Variants in ITSN2 observed in about 807,000 individuals in gnomAD.
ITSN2 encodes intersectin 2.
ITSN2 carries 156 observed loss-of-function variants against 243.7 expected under a neutral mutation model. That is an observed-to-expected ratio of 0.64 (90% confidence interval 0.56 to 0.73). The LOEUF is 0.73. Among genes scored for constraint, ITSN2 ranks in the 30% least tolerant of loss-of-function variants. The pLI, the probability that ITSN2 is intolerant of heterozygous loss-of-function variation, is 0.00. For synonymous variants in ITSN2, 703 were observed against 699.9 expected, an observed-to-expected ratio of 1.00 and a Z score of -0.07; for missense variants, 1,801 against 1,996.1, an observed-to-expected ratio of 0.90 and a Z score of 1.86.
chr2:24,341,134 G>C (rs1687010476), intron 1 of ITSN2, among the ~76,000 whole-genome samples: 1 of 152,168 alleles, frequency 6.6e-6, no homozygotes, highest in Non-Finnish European at 1.5e-5. Context: ...TGACTGTAGA[G>C]CAGTAATATT....
chr2:24,207,356 C>A (rs1669002510), intron 37 of ITSN2, among the ~76,000 whole-genome samples: 1 of 151,924 alleles, frequency 6.6e-6, no homozygotes, highest in Admixed American at 6.6e-5. Context: ...TGGCCAGGGA[C>A]CACACTACTG....
chr2:24,321,580 C>CCTA lies in ITSN2; in HGVS notation c.32-6359_32-6357dup, dbSNP rs1198429134. Among the ~76,000 whole-genome samples, 3 of 152,080 alleles carry CCTA rather than the reference C, an allele frequency of 2.0e-5. No homozygotes were observed. The East Asian group carries it at 5.8e-4, about 29-fold the overall frequency. The stretch of plus-strand genomic sequence containing the variant: ...GAACTAAGGACCTAAAATAGCTAAA[C>CCTA]CTACACACTTTCTAAATAAAGAAAT... On this transcript the variant is annotated intron_variant, in intron 2 of 39. Transcript: ENST00000355123.
intron 1 of ITSN2, among the ~76,000 whole-genome samples, chr2:24,344,771 G>A (rs1457557792): frequency 1.3e-5 from 2 of 152,140 alleles, no homozygotes; most frequent in Non-Finnish European, 2.9e-5. Context: ...GTCCAACATG[G>A]TAAAACTCCA....
intron 1 of ITSN2, chr2:24,330,608 T>C: frequency 1.2e-6 from 1 of 820,200 alleles, no homozygotes; most frequent in South Asian, 1.3e-5. Context: ...GGAATAACCT[T>C]GCAGAAAATG....
chr2:24,227,819 T>C (rs528010084), intron 29 of ITSN2, among the ~76,000 whole-genome samples: 177 of 152,124 alleles, frequency 1.2e-3, no homozygotes, highest in African/African-American at 4.1e-3. Context: ...CTCAGGAGGC[T>C]GAGGCAGGAG....
intron 5 of ITSN2, chr2:24,311,771 C>T (rs1325938473): frequency 6.0e-6 from 1 of 167,190 alleles, no homozygotes; most frequent in Admixed American, 6.5e-5. Context: ...GGCTAATTAA[C>T]CTTTAAAAAA....
chr2:24,350,457 G>A lies in ITSN2; in HGVS notation c.-34+9847C>T, dbSNP rs78323130. 7.4e-3 allele frequency among the ~76,000 whole-genome samples: 1,132 copies of A among 152,248 alleles called. 8 individuals carry two copies. Among genetic ancestry groups the A allele is most frequent in the African/African-American group, 0.026 (1,092 of 41,534 alleles). On this transcript the variant is annotated intron_variant, in intron 1 of 39. Transcript: ENST00000355123. ...AAACATAGGTTACCATGTTAAGTCA[G>A]CAATTCCACCCCTCAGTATGAACCC... is the stretch of plus-strand genomic sequence containing the variant.
chr2:24,283,816 C>T (rs546060304), intron 17 of ITSN2, among the ~76,000 whole-genome samples: 11 of 152,264 alleles, frequency 7.2e-5, no homozygotes, highest in African/African-American at 2.4e-4. Flanking sequence ...GAGAACAGTC[C>T]ACAAATCATC....
chr2:24,354,986 G>A (rs1688319560), intron 1 of ITSN2, among the ~76,000 whole-genome samples: 1 of 152,160 alleles, frequency 6.6e-6, no homozygotes, highest in Admixed American at 6.6e-5. Flanking sequence ...TTCTGCAAAT[G>A]AAATATGCTG....
intron 1 of ITSN2, among the ~76,000 whole-genome samples, chr2:24,347,579 G>A (rs541242811): frequency 6.6e-6 from 1 of 152,220 alleles, no homozygotes; most frequent in African/African-American, 2.4e-5. Context: ...CCAGCTACTC[G>A]GTAGGCTGAG....
chr2:24,323,340 G>C (rs1283752878), intron 2 of ITSN2, among the ~76,000 whole-genome samples: 2 of 152,132 alleles, frequency 1.3e-5, no homozygotes, highest in African/African-American at 4.8e-5. Flanking sequence ...TTCTGCACCT[G>C]AACGGCTGAA....
chr2:24,330,301 C>T (rs949201241), intron 1 of ITSN2: 6 of 396,002 alleles, frequency 1.5e-5, no homozygotes, highest in South Asian at 2.1e-5. Context: ...TAGAGAGCAA[C>T]GTGAAGAAGA....
At chr2:24,263,057 CCCCAA>C (rs1558513354) in intron 20 of ITSN2, among the ~76,000 whole-genome samples, 1 of 152,040 alleles carries the variant, frequency 6.6e-6, no homozygotes, top group African/African-American at 2.4e-5. Context: ...TTCTAACTTC[CCCCAA>C]CCCAAGCCAG....
intron 29 of ITSN2, among the ~76,000 whole-genome samples, chr2:24,234,554 G>T: frequency 6.6e-6 from 1 of 152,106 alleles, no homozygotes; most frequent in East Asian, 1.9e-4. Context: ...TCAAGAGAAT[G>T]AGAAGACAAG....
intron 29 of ITSN2, among the ~76,000 whole-genome samples, chr2:24,229,176 C>T (rs928033153): frequency 2.0e-5 from 3 of 152,130 alleles, no homozygotes; most frequent in East Asian, 3.8e-4. Flanking sequence ...TATCTATAAT[C>T]GTAGTAGAGT....
At chr2:24,214,094 T>A (rs762144424) in intron 32 of ITSN2, among the ~76,000 whole-genome samples, 1 of 152,246 alleles carries the variant, frequency 6.6e-6, no homozygotes, top group Non-Finnish European at 1.5e-5. Context: ...GGGCCGAGAT[T>A]CTGAAGCCTG....
At chr2:24,320,087 C>T (rs928803690) in intron 2 of ITSN2, among the ~76,000 whole-genome samples, 32 of 152,260 alleles carry the variant, frequency 2.1e-4, no homozygotes, top group African/African-American at 7.5e-4. Context: ...TAAAATAAAA[C>T]TTAAGGAGAG....
intron 37 of ITSN2, among the ~76,000 whole-genome samples, chr2:24,207,489 C>T (rs567685960): frequency 2.6e-5 from 4 of 152,138 alleles, no homozygotes; most frequent in East Asian, 1.9e-4. Context: ...TTCAGAGGCG[C>T]GGGCTTGGGA....
intron 18 of ITSN2, 74 bp from the exon 19 acceptor site, chr2:24,272,015 T>G (rs2151463527): frequency 3.2e-6 from 4 of 1,238,810 alleles, no homozygotes; most frequent in Non-Finnish European, 4.4e-6. Context: ...TACTAAGATC[T>G]GGTTCCTGTC....
Sources: gnomAD v4.1 joint callset for allele counts (sites outside exome capture counted in the v4.1 genomes callset) on GRCh38, gnomAD v4.1.1 for gene constraint, MANE v1.5 for transcripts, NCBI Gene and HGNC (gene_info 2026-07-23, HGNC 2026-07-21) for gene names.